The following USP6 variants were observed in gnomAD, a reference collection of about 807,000 sequenced individuals.
USP6 encodes the protein ubiquitin carboxyl-terminal hydrolase 6.
Under a neutral mutation model 175.7 loss-of-function variants are expected in USP6, and 128 were observed. That is an observed-to-expected ratio of 0.73 (90% CI 0.63 to 0.84). USP6 has a LOEUF of 0.84. Ranked by LOEUF, USP6 falls within the 40% of genes least tolerant of loss-of-function variation. The pLI, the probability that USP6 is intolerant of heterozygous loss-of-function variation, is 0.00. For missense variants in USP6, 1,498 were observed against 1,760.3 expected (o/e 0.85, Z 2.67); for synonymous variants, 562 against 630.6 (o/e 0.89, Z 1.63).
chr17:5,167,989 A>G lies in USP6; in HGVS notation c.3094A>G (p.Asn1032Asp). The G allele has an allele frequency of 6.2e-7, 1 of 1,612,006 alleles. No individual in the cohort carries two copies. The highest frequency in any genetic ancestry group is 8.5e-7 in the Non-Finnish European group (1 of 1,179,858). Residue 1032 changes from asparagine to aspartate, a missense_variant, in exon 34 of 38, where the codon AAC becomes GAC. Coordinates refer to ENST00000574788, the MANE Select transcript of USP6 (RefSeq NM_001304284.2). ...QSRRAQAEPI[N>D]LDSCLRAFTS... ...TCGGCGAGCGCAAGCCGAGCCCATC[A>G]ACCTGGACAGCTGTCTCCGTGCTTT...
chr17:5,167,012 G>C (rs1429903678), intron 33 of USP6, among the ~76,000 whole-genome samples: 1 of 152,150 alleles, frequency 6.6e-6, no homozygotes, highest in Non-Finnish European at 1.5e-5. Context: ...TCCTTTTGTT[G>C]CCATCTCAGA....
chr17:5,156,879 G>T (rs771321719), intron 31 of USP6, among the ~76,000 whole-genome samples: 1 of 151,126 alleles, frequency 6.6e-6, no homozygotes, highest in Non-Finnish European at 1.5e-5. Flanking sequence ...ACAGATGCTC[G>T]CAACCACACC....
chr17:5,121,913 G>A (rs1177513687), intron 4 of USP6, among the ~76,000 whole-genome samples, 163 bp downstream of exon 4: 3 of 152,200 alleles, frequency 2.0e-5, no homozygotes, highest in African/African-American at 4.8e-5. Context: ...TCTGATTGAG[G>A]AGCCTTGAAT....
intron 22 of USP6, 131 bp from the exon 23 acceptor site, chr17:5,141,294 T>C: frequency 1.3e-6 from 1 of 742,836 alleles, no homozygotes; most frequent in Non-Finnish European, 2.3e-6. Flanking sequence ...GCAATGCATG[T>C]ACTAAAATTA....
intron 22 of USP6, among the ~76,000 whole-genome samples, chr17:5,141,062 G>A (rs369595479): frequency 2.0e-4 from 30 of 152,050 alleles, no homozygotes; most frequent in African/African-American, 7.2e-4. Flanking sequence ...ATTTTTAGTT[G>A]TACCTTTTCT....
chr17:5,167,096 C>G (rs1385560211), intron 33 of USP6, among the ~76,000 whole-genome samples: 2 of 152,216 alleles, frequency 1.3e-5, no homozygotes, highest in African/African-American at 2.4e-5. Flanking sequence ...TACATGGGAT[C>G]AGATGCAAAT....
chr17:5,161,504 T>G (rs766625017), intron 31 of USP6, 24 bp from the exon 32 acceptor site: 1 of 1,611,012 alleles, frequency 6.2e-7, no homozygotes, highest in Admixed American at 1.7e-5. Context: ...CTTCTTACAC[T>G]CTTTTTGTTC....
chr17:5,142,627 T>A, intron 25 of USP6, 125 bp downstream of exon 25: 1 of 1,394,204 alleles, frequency 7.2e-7, no homozygotes, highest in East Asian at 2.5e-5. Context: ...TTACTTGGTA[T>A]AAACAAGAGG....
intron 17 of USP6, 139 bp downstream of exon 17, chr17:5,136,067 G>T: frequency 6.7e-7 from 1 of 1,492,278 alleles, no homozygotes; most frequent in Non-Finnish European, 8.9e-7. Context: ...CTCTGCTGAG[G>T]GTCCCACAGG....
chr17:5,152,387 C>G (rs2073793784), intron 30 of USP6, among the ~76,000 whole-genome samples: 7 of 152,158 alleles, frequency 4.6e-5, no homozygotes, highest in Admixed American at 4.6e-4. Flanking sequence ...AACTCTCATA[C>G]CATGCTGATG....
At position 5,174,242 on chromosome 17, in the gene USP6, T is replaced by G. The variant is rs1405023991; in HGVS notation, c.*1264T>G. 2 of 190,110 alleles carry G rather than the reference T, an allele frequency of 1.1e-5. No individual in the cohort carries two copies. Among genetic ancestry groups the G allele is most frequent in the African/African-American group, 4.7e-5 (2 of 42,990 alleles). 11.8% of individuals were successfully genotyped at this position (190,110 alleles called of 1,614,324 possible). On this transcript the variant is annotated 3_prime_UTR_variant, in exon 38 of 38. Transcript: ENST00000574788. ...AAATATTATTTATTTGAGGTAGAAT[T>G]TTTTTCATGTAGTTTCTTAATATAT...
chr17:5,122,878 C>G (rs1210691494), intron 4 of USP6: 4 of 152,290 alleles, frequency 2.6e-5, no homozygotes, highest in Non-Finnish European at 4.4e-5. Context: ...CAAGGAAGAA[C>G]GCGACGACGC....
intron 31 of USP6, 116 bp downstream of exon 31, chr17:5,155,722 A>G: frequency 1.1e-6 from 1 of 911,202 alleles, no homozygotes; most frequent in South Asian, 4.3e-5. Context: ...CCCAGCCAAA[A>G]TAAGTTATTT....
intron 2 of USP6, among the ~76,000 whole-genome samples, 163 bp from the exon 3 acceptor site, chr17:5,120,464 C>T (rs183657968): frequency 2.7e-3 from 409 of 152,254 alleles, no homozygotes; most frequent in Non-Finnish European, 4.8e-3. Context: ...TGAGTAATGA[C>T]AATATCCACC....
chr17:5,148,851 G>A, intron 30 of USP6, 84 bp downstream of exon 30: 1 of 1,532,028 alleles, frequency 6.5e-7, no homozygotes, highest in Non-Finnish European at 8.8e-7. Flanking sequence ...CAACATCATT[G>A]AATGCATTTT....
intron 30 of USP6, among the ~76,000 whole-genome samples, chr17:5,150,372 G>A (rs1435289620): frequency 6.6e-6 from 1 of 151,316 alleles, no homozygotes; most frequent in Non-Finnish European, 1.5e-5. Context: ...TCTAGATCAA[G>A]TAAATTGATT....
Position 5,132,971 on chromosome 17 carries a change from C to T in USP6, c.257C>T (p.Thr86Ile). ...KWMEMLGEWE[T>I]YKHSSKLIDR... The stretch of plus-strand genomic sequence containing the variant: ...ATGGAAATGCTGGGAGAATGGGAGA[C>T]ATATAAGCACAGTAGCAAAGTAATG... Residue 86 changes from threonine (T) to isoleucine (I), a missense_variant, in exon 13 of 38, where the codon ACA becomes ATA. Thr to Ile is a moderately conservative substitution (Grantham distance 89, BLOSUM62 -1). Around this residue, in one of 2 missense-constraint regions of USP6, gnomAD observed 281 missense variants for 259.6 expected, o/e 1.08. Coordinates refer to ENST00000574788, the MANE Select transcript of USP6 (RefSeq NM_001304284.2). This position sits in a 1 kb window ranked among gnomAD's most constrained non-coding sequence, Gnocchi z 4.7. 1 of 1,614,084 alleles carries T rather than the reference C, an allele frequency of 6.2e-7. No homozygotes were observed. The highest frequency in any genetic ancestry group is 1.1e-5 in the South Asian group (1 of 91,080).
At position 5,162,897 on chromosome 17, in the gene USP6, T is replaced by C. The variant is rs1323185696; in HGVS notation, c.2929T>C (p.Cys977Arg). Residue 977 changes from cysteine to arginine, a missense_variant, in exon 33 of 38, where the codon TGT (cysteine) becomes CGT (arginine). By Grantham distance (180) the Cys-to-Arg change is radical. Around this residue, in one of 2 missense-constraint regions of USP6, gnomAD observed 1,217 missense variants for 1,500.8 expected, o/e 0.81. Transcript: ENST00000574788. The part of the protein sequence containing the change: ...WCPQYRFCRG[C>R]KIDCGEDRAF... Reference sequence around the variant, plus strand: ...CCCCCTTTTTAGATTTTGCAGAGGCTGTAAAATTGATTGTGGGGAAGACAG... The same window carrying C: ...CCCCCTTTTTAGATTTTGCAGAGGCCGTAAAATTGATTGTGGGGAAGACAG... 6 of 1,605,192 alleles carry C rather than the reference T, an allele frequency of 3.7e-6. No individual in the cohort carries two copies. Among genetic ancestry groups the C allele is most frequent in the South Asian group, 2.3e-5 (2 of 88,076 alleles).
In USP6 at chr17:5,129,115, G is replaced by A. The variant is rs3890286; in HGVS notation, c.-174G>A. 75,246 of 152,246 alleles carry A rather than the reference G, an allele frequency of 0.49. 20,889 individuals carry two copies. The highest frequency in any genetic ancestry group is 0.64 in the Non-Finnish European group (43,734 of 67,978). 9.4% of individuals were successfully genotyped at this position (152,246 alleles called of 1,614,324 possible). On this transcript the variant is annotated 5_prime_UTR_variant, in exon 8 of 38. Transcript: ENST00000574788. ...GCTTCGTAGAGTGGGTGCTGTTCCC[G>A]AATGTACCCATTCGACAGGTGAGCC...
Sources: allele counts gnomAD v4.1 joint callset (sites outside exome capture counted in the v4.1 genomes callset), GRCh38; gene constraint gnomAD v4.1.1; regional missense constraint gnomAD v4.1.1; non-coding constraint Gnocchi (gnomAD v3.1); transcripts MANE v1.5; gene names NCBI Gene and HGNC (gene_info 2026-07-23, HGNC 2026-07-21).